The following HNRNPUL1 variants were observed in gnomAD, a reference collection of about 807,000 sequenced individuals.
HNRNPUL1 encodes heterogeneous nuclear ribonucleoprotein U like 1.
In HNRNPUL1, 14 loss-of-function variants were observed where a neutral mutation model predicts 108.5. The observed-to-expected ratio is 0.13, with a 90% CI of 0.09 to 0.20. The LOEUF is 0.20. Ranked by LOEUF, HNRNPUL1 falls within the 10% of genes least tolerant of loss-of-function variation. The pLI is 1.00. For missense variants in HNRNPUL1, 804 were observed against 1,168.3 expected, an observed-to-expected ratio of 0.69 and a Z score of 4.55; for synonymous variants, 422 against 445.2, an observed-to-expected ratio of 0.95 and a Z score of 0.66.
At position 41,306,636 on chromosome 19, in the gene HNRNPUL1, C is replaced by G; in HGVS notation, c.*71C>G. 2.1e-6 allele frequency: 2 copies of G among 945,358 alleles called. No individual in the cohort carries two copies. Among genetic ancestry groups the G allele is most frequent in the Non-Finnish European group, 3.1e-6 (2 of 655,574 alleles). 58.6% of individuals were successfully genotyped at this position (945,358 alleles called of 1,614,324 possible). A position where few individuals can be genotyped will look rare whatever the true frequency, so the allele number is the denominator to read the frequency against. On this transcript the variant is annotated 3_prime_UTR_variant, in exon 15 of 15. Transcript: ENST00000392006. The stretch of plus-strand genomic sequence containing the variant: ...ACCAGCGCCTGCCTCGGCCCCTCCT[C>G]TGCCCCCGCCAGATCCCGTGGTGCT...
rs371164551 is a variant in HNRNPUL1, at chr19:41,268,299, C to T, written c.372C>T (p.Tyr124=). The T allele has an allele frequency of 5.0e-5, 80 of 1,613,850 alleles. No homozygotes were observed. The highest frequency in any genetic ancestry group is 3.1e-4 in the African/African-American group (23 of 74,876). Residue 124 remains tyrosine (Y), a synonymous_variant, in exon 2 of 15, where the codon TAC becomes TAT. Transcript: ENST00000392006. ...QVIKQENESG[Y]ERRPLEMEQQ... is the part of the protein sequence containing the mutation. The stretch of plus-strand genomic sequence containing the variant: ...TCAAACAAGAAAACGAGTCAGGCTA[C>T]GAGAGGAGACCACTGGAAATGGAGC...
In HNRNPUL1 at chr19:41,272,216, G is replaced by C. The variant is rs2035282600; in HGVS notation, c.553G>C (p.Glu185Gln). Residue 185 changes from glutamate to glutamine, a missense_variant, in exon 3 of 15, where the codon GAG becomes CAG. Glu to Gln is a conservative substitution (Grantham distance 29, BLOSUM62 2). Around this residue, in one of 4 missense-constraint regions of HNRNPUL1, gnomAD observed 256 missense variants for 261.6 expected, o/e 0.98. Coordinates refer to ENST00000392006, the MANE Select transcript of HNRNPUL1 (RefSeq NM_007040.6). ...YEENRGRGYF[E>Q]HREDRRGRSP... ...AGAAAACCGGGGACGGGGGTACTTT[G>C]AGCACCGAGAGGATAGGAGGTGGGT... is the stretch of plus-strand genomic sequence containing the variant. 1 of 1,613,642 alleles carries C rather than the reference G, an allele frequency of 6.2e-7. No homozygotes were observed.
intron 7 of HNRNPUL1, among the ~76,000 whole-genome samples, chr19:41,291,402 A>G (rs554975346): frequency 6.6e-6 from 1 of 152,346 alleles, no homozygotes; most frequent in East Asian, 1.9e-4. Context: ...ACTCAGTTCG[A>G]AAAGGCCCTG....
intron 6 of HNRNPUL1, 32 bp downstream of exon 6, chr19:41,279,208 A>G (rs1356741026): frequency 3.5e-6 from 5 of 1,432,378 alleles, no homozygotes; most frequent in Non-Finnish European, 4.9e-6. Flanking sequence ...AGTCCAGAGA[A>G]TAGAGTGACT....
rs758565657 is a variant in HNRNPUL1 at position 41,279,094 on chromosome 19, C to A, written c.804C>A (p.Ser268=). 3 of 1,613,786 alleles carry A rather than the reference C, an allele frequency of 1.9e-6. No homozygotes were observed. Among genetic ancestry groups the A allele is most frequent in the Non-Finnish European group, 2.5e-6 (3 of 1,179,884 alleles). ...TTCCTCAGATCAATGAGGAAATCTC[C>A]GTGAAGCACCTTCCGTCTACAGAGC... ...CFEMKINEEI[S]VKHLPSTEPD... is the part of the protein sequence containing the mutation. Residue 268 remains serine, a synonymous_variant, in exon 6 of 15, where the codon TCC becomes TCA. Transcript: ENST00000392006.
At position 41,290,872 on chromosome 19, in the gene HNRNPUL1, C is replaced by G. The variant is rs576827866; in HGVS notation, c.1000-1373C>G. Among the ~76,000 whole-genome samples, 54 of 152,248 alleles carry G rather than the reference C, an allele frequency of 3.5e-4. 2 individuals are homozygous for G. In the South Asian group the frequency reaches 9.9e-3, roughly 28 times the overall value. On this transcript the variant is annotated intron_variant, in intron 7 of 14. Coordinates refer to ENST00000392006, the MANE Select transcript of HNRNPUL1 (RefSeq NM_007040.6). The stretch of plus-strand genomic sequence containing the variant: ...AGGAGTTCGAGACCAGCCTGACCAA[C>G]ATGGAGAAACCCCGTCTACTAAAAA...
chr19:41,294,192 C>T lies in HNRNPUL1; in HGVS notation c.1267-146C>T. On this transcript the variant is annotated intron_variant, in intron 8 of 14. Transcript: ENST00000392006. This position sits in a 1 kb window ranked among gnomAD's most constrained non-coding sequence, Gnocchi z 4.3. ...GCCTGATCTTTTTGAATCCCGATAC[C>T]AGTACTGTGAGGTAGATGGTATTAC... is the stretch of plus-strand genomic sequence containing the variant. 1 of 806,748 alleles carries T rather than the reference C, an allele frequency of 1.2e-6. No homozygotes were observed. The highest frequency in any genetic ancestry group is 2.0e-6 in the Non-Finnish European group (1 of 503,294). The allele number at this position is 806,748 out of a possible 1,614,324, so 50.0% of individuals were successfully genotyped here. A position where few individuals can be genotyped will look rare whatever the true frequency, so the allele number is the denominator to read the frequency against.
Position 41,264,445 on chromosome 19 carries a change from G to C in HNRNPUL1, c.-59G>C. On this transcript the variant is annotated 5_prime_UTR_variant, in exon 1 of 15. Transcript: ENST00000392006. Reference sequence around the variant, plus strand: ...TCGCCTCCTGACAGGAAAGGTTTAAGGGGGACAGAGCCCTGGGAGGCCGGG... The same window carrying C: ...TCGCCTCCTGACAGGAAAGGTTTAACGGGGACAGAGCCCTGGGAGGCCGGG... 7.6e-7 allele frequency: 1 copy of C among 1,309,146 alleles called. No homozygotes were observed. Among genetic ancestry groups the C allele is most frequent in the Non-Finnish European group, 9.8e-7 (1 of 1,022,118 alleles). 81.1% of individuals were successfully genotyped at this position (1,309,146 alleles called of 1,614,324 possible).
intron 1 of HNRNPUL1, chr19:41,265,057 C>A: frequency 7.1e-7 from 1 of 1,402,286 alleles, no homozygotes; most frequent in Non-Finnish European, 9.2e-7. Flanking sequence ...GGGAGGATTC[C>A]GTACCGTAGG....
At position 41,292,319 on chromosome 19, in the gene HNRNPUL1, C is replaced by T. The variant is rs1184400932; in HGVS notation, c.1074C>T (p.Ile358=). The T allele has an allele frequency of 1.2e-6, 2 of 1,614,172 alleles. No homozygotes were observed. Among genetic ancestry groups the T allele is most frequent in the South Asian group, 1.1e-5 (1 of 91,082 alleles). Reference sequence around the variant, plus strand: ...AGTGGATGGGCATTGCTTTCCGAATCCAGAAGGAAGCCTTGGGGGGTCAGG... The same window carrying T: ...AGTGGATGGGCATTGCTTTCCGAATTCAGAAGGAAGCCTTGGGGGGTCAGG... ...NGKWMGIAFR[I]QKEALGGQAL... Residue 358 remains isoleucine, a synonymous_variant, in exon 8 of 15, where the codon ATC becomes ATT. Coordinates refer to ENST00000392006, the MANE Select transcript of HNRNPUL1 (RefSeq NM_007040.6). This position sits in a 1 kb window ranked among gnomAD's most constrained non-coding sequence, Gnocchi z 4.1.
At chr19:41,274,751 T>A (rs545840128) in intron 4 of HNRNPUL1, among the ~76,000 whole-genome samples, 43 of 152,368 alleles carry the variant, frequency 2.8e-4, no homozygotes, top group Non-Finnish European at 3.8e-4. Flanking sequence ...GAGCAGAAGA[T>A]AAGCAGCAAT....
chr19:41,280,831 A>G (rs994705617), intron 6 of HNRNPUL1: 31 of 259,052 alleles, frequency 1.2e-4, no homozygotes, highest in African/African-American at 6.6e-4. Flanking sequence ...GGGTGTCACA[A>G]GGAAGGGTTG....
chr19:41,295,998 G>A (rs748656482), intron 10 of HNRNPUL1, among the ~76,000 whole-genome samples: 9 of 152,100 alleles, frequency 5.9e-5, no homozygotes, highest in Non-Finnish European at 1.0e-4. Context: ...CCTCCTTGTC[G>A]GGGCATTCAA....
In HNRNPUL1 at chr19:41,292,968, T is replaced by C. The variant is rs1442912615; in HGVS notation, c.1266+457T>C. ...CAAGTGATCCTCCCACCTCAGCTTC[T>C]CGAGTAGCTGGGACCACAGGTACAT... On this transcript the variant is annotated intron_variant, in intron 8 of 14. Coordinates refer to ENST00000392006, the MANE Select transcript of HNRNPUL1 (RefSeq NM_007040.6). This position sits in a 1 kb window ranked among gnomAD's most constrained non-coding sequence, Gnocchi z 4.1. Among the ~76,000 whole-genome samples, 2 of 152,030 alleles carry C rather than the reference T, an allele frequency of 1.3e-5. No homozygotes were observed. The highest frequency in any genetic ancestry group is 3.9e-4 in the East Asian group (2 of 5,178).
intron 12 of HNRNPUL1, among the ~76,000 whole-genome samples, chr19:41,303,410 A>ATGG (rs2037357268): frequency 6.7e-6 from 1 of 148,346 alleles, no homozygotes; most frequent in Non-Finnish European, 1.5e-5. Context: ...CTAGAGTGCA[A>ATGG]TGGTGTAATC....
chr19:41,294,225 G>C lies in HNRNPUL1; in HGVS notation c.1267-113G>C. On this transcript the variant is annotated intron_variant, in intron 8 of 14. Coordinates refer to ENST00000392006, the MANE Select transcript of HNRNPUL1 (RefSeq NM_007040.6). This position sits in a 1 kb window ranked among gnomAD's most constrained non-coding sequence, Gnocchi z 4.3. ...TGAGGTAGATGGTATTACTGCTTCC[G>C]CTTTGTAGAGGCAGCCACAGCTCAG... 8.1e-7 allele frequency: 1 copy of C among 1,227,142 alleles called. No homozygotes were observed. Among genetic ancestry groups the C allele is most frequent in the Non-Finnish European group, 1.2e-6 (1 of 857,542 alleles). The allele number at this position is 1,227,142 out of a possible 1,614,324, so 76.0% of individuals were successfully genotyped here. A position where few individuals can be genotyped will look rare whatever the true frequency, so the allele number is the denominator to read the frequency against.
intron 12 of HNRNPUL1, among the ~76,000 whole-genome samples, chr19:41,303,470 T>G (rs550097671): frequency 6.6e-6 from 1 of 150,976 alleles, no homozygotes; most frequent in South Asian, 2.1e-4. Flanking sequence ...TTCTCTCGCC[T>G]CAGTCTCCTG....
intron 1 of HNRNPUL1, 21 bp downstream of exon 1, chr19:41,264,819 G>T (rs1158474624): frequency 7.4e-7 from 1 of 1,343,564 alleles, no homozygotes; most frequent in African/African-American, 1.5e-5. Flanking sequence ...GCGGGGCGGG[G>T]GCCGGGGAGC....
In HNRNPUL1 at chr19:41,292,209, A is replaced by G; in HGVS notation, c.1000-36A>G. On this transcript the variant is annotated intron_variant, in intron 7 of 14. Transcript: ENST00000392006. The surrounding 1 kb of genome is among the most constrained non-coding windows in gnomAD (Gnocchi z 4.1). ...TTTGACTCCCAGTGCCTATGGCAAG[A>G]GTTGGCAATCATATTCCTTTGGCTT... The G allele has an allele frequency of 6.2e-7, 1 of 1,606,748 alleles. No individual in the cohort carries two copies.
Sources: allele counts gnomAD v4.1 joint callset (sites outside exome capture counted in the v4.1 genomes callset), GRCh38; gene constraint gnomAD v4.1.1; regional missense constraint gnomAD v4.1.1; non-coding constraint Gnocchi (gnomAD v3.1); transcripts MANE v1.5; gene names NCBI Gene and HGNC (gene_info 2026-07-23, HGNC 2026-07-21).